The following TENM2 variants were observed in gnomAD, a reference collection of about 807,000 sequenced individuals.
The protein encoded by TENM2 is teneurin-2.
Under a neutral mutation model 245.2 loss-of-function variants are expected in TENM2, and 52 were observed. That is an observed-to-expected ratio of 0.21 (90% CI 0.17 to 0.27). The LOEUF is 0.27. TENM2 is among the 10% of genes least tolerant of loss of function. TENM2 has a pLI of 1.00. For missense variants in TENM2, 3,046 were observed against 3,666.8 expected (o/e 0.83, Z 4.37); for synonymous variants, 1,363 against 1,438.9 (o/e 0.95, Z 1.19).
At chr5:167,652,165 A>G (rs17068913) in intron 2 of TENM2, among the ~76,000 whole-genome samples, 16,964 of 152,168 alleles carry the variant, frequency 0.11, 2,256 homozygotes, top group East Asian at 0.63. Flanking sequence ...AGAGCGAGGA[A>G]TCATGGATTA....
intron 2 of TENM2, among the ~76,000 whole-genome samples, chr5:167,704,664 C>A (rs959527510): frequency 3.9e-5 from 6 of 152,170 alleles, no homozygotes; most frequent in Non-Finnish European, 5.9e-5. Flanking sequence ...TGAATAAGAA[C>A]TGCACAGAGT....
chr5:167,303,197 C>T (rs149908423), intron 1 of TENM2: 24,560 of 167,488 alleles, frequency 0.15, 2,179 homozygotes, highest in African/African-American at 0.25. Context: ...ATCTTTTTCA[C>T]GGAGCAAAGA....
the TENM2 span, among the ~76,000 whole-genome samples, chr5:167,009,000 C>T: frequency 6.6e-6 from 1 of 152,164 alleles, no homozygotes; most frequent in Admixed American, 6.5e-5. Context: ...GATCAGAGGC[C>T]TGGCTGTCCA....
intron 2 of TENM2, among the ~76,000 whole-genome samples, chr5:167,522,777 A>G (rs902900588): frequency 1.3e-5 from 2 of 151,102 alleles, no homozygotes; most frequent in Admixed American, 1.3e-4. Flanking sequence ...TTACTACTAC[A>G]TCCTACTTTG....
chr5:167,555,635 T>G (rs887283963), intron 2 of TENM2, among the ~76,000 whole-genome samples: 12 of 152,232 alleles, frequency 7.9e-5, no homozygotes, highest in African/African-American at 2.6e-4. Flanking sequence ...GAAAAGAATG[T>G]GTAAGTCAGT....
At chr5:167,533,988 C>A (rs552708631) in intron 2 of TENM2, among the ~76,000 whole-genome samples, 1 of 152,150 alleles carries the variant, frequency 6.6e-6, no homozygotes, top group African/African-American at 2.4e-5. Flanking sequence ...GAAGAAGCAA[C>A]AAGCTTGAGG....
At chr5:167,669,678 A>G (rs1294326006) in intron 2 of TENM2, among the ~76,000 whole-genome samples, 1 of 152,046 alleles carries the variant, frequency 6.6e-6, no homozygotes, top group Non-Finnish European at 1.5e-5. Context: ...AAATTAGAGG[A>G]AAGTTGGCTT....
At chr5:167,434,827 A>G (rs1327303294) in intron 2 of TENM2, among the ~76,000 whole-genome samples, 1 of 152,238 alleles carries the variant, frequency 6.6e-6, no homozygotes, top group Non-Finnish European at 1.5e-5. Flanking sequence ...TTCTCATGCA[A>G]AGAAAATACA....
intron 13 of TENM2, among the ~76,000 whole-genome samples, chr5:168,189,375 C>G (rs888874669): frequency 6.6e-6 from 1 of 152,174 alleles, no homozygotes; most frequent in African/African-American, 2.4e-5. Context: ...CCATTAGCTC[C>G]TTAAAGACAG....
intron 5 of TENM2, among the ~76,000 whole-genome samples, chr5:168,004,311 T>A (rs569673380): frequency 6.6e-6 from 1 of 152,292 alleles, no homozygotes; most frequent in South Asian, 2.1e-4. Context: ...TACCCTGCAA[T>A]GTTAGTTCCC....
the TENM2 span, among the ~76,000 whole-genome samples, chr5:167,098,255 A>C: frequency 1.3e-5 from 2 of 152,382 alleles, no homozygotes; most frequent in East Asian, 3.9e-4. Flanking sequence ...TTAAGTGTAC[A>C]TCACATGAAT....
At chr5:168,238,602 A>G (rs1397213701) in intron 25 of TENM2, among the ~76,000 whole-genome samples, 1 of 152,172 alleles carries the variant, frequency 6.6e-6, no homozygotes, top group Non-Finnish European at 1.5e-5. Flanking sequence ...TCAAATCACT[A>G]GCTCCCGTCA....
intron 2 of TENM2, among the ~76,000 whole-genome samples, chr5:167,869,183 A>G (rs1347822950): frequency 6.6e-6 from 1 of 152,206 alleles, no homozygotes; most frequent in African/African-American, 2.4e-5. Context: ...CAGCACAGAG[A>G]TAGAAATAAG....
chr5:167,186,756 A>G, the TENM2 span, among the ~76,000 whole-genome samples: 2 of 152,218 alleles, frequency 1.3e-5, no homozygotes, highest in Non-Finnish European at 2.9e-5. Context: ...CTGGCTAGAG[A>G]TTAAGTTACA....
chr5:167,336,746 G>A (rs1450582579), intron 1 of TENM2, among the ~76,000 whole-genome samples: 1 of 151,332 alleles, frequency 6.6e-6, no homozygotes, highest in Non-Finnish European at 1.5e-5. Context: ...ACATAATGAT[G>A]AAAGGAAATG....
the TENM2 span, among the ~76,000 whole-genome samples, chr5:167,208,702 A>T: frequency 6.6e-6 from 1 of 152,234 alleles, no homozygotes; most frequent in East Asian, 1.9e-4. Flanking sequence ...TCTTCTTAAG[A>T]CGATGTCATT....
intron 5 of TENM2, among the ~76,000 whole-genome samples, chr5:168,012,114 C>A: frequency 6.6e-6 from 1 of 152,100 alleles, no homozygotes; most frequent in African/African-American, 2.4e-5. Context: ...TGTTCACATC[C>A]CCCAAGCCCC....
chr5:167,143,922 A>C, the TENM2 span, among the ~76,000 whole-genome samples: 1 of 152,144 alleles, frequency 6.6e-6, no homozygotes. Context: ...ATGCTGGCAA[A>C]CTGGCGTTAT....
chr5:167,835,145 G>T (rs1158120011), intron 2 of TENM2, among the ~76,000 whole-genome samples: 1 of 152,204 alleles, frequency 6.6e-6, no homozygotes, highest in Non-Finnish European at 1.5e-5. Flanking sequence ...TGGTGAAAAT[G>T]AAATAAGGTT....
Sources: gnomAD v4.1 joint callset for allele counts (sites outside exome capture counted in the v4.1 genomes callset) on GRCh38, gnomAD v4.1.1 for gene constraint, MANE v1.5 for transcripts, NCBI Gene and HGNC (gene_info 2026-07-23, HGNC 2026-07-21) for gene names.